PGCKA1: variants seen among roughly 807,000 people sequenced by gnomAD.
PGCKA1 encodes PDCD10 and GCKIII kinases associated 1.
the PGCKA1 span, among the ~76,000 whole-genome samples, chr4:37,531,001 GA>G: frequency 7.3e-5 from 11 of 149,992 alleles, no homozygotes; most frequent in South Asian, 2.1e-4. Flanking sequence ...AAAGAAAAGG[GA>G]AAAAAAAACT....
At chr4:37,588,602 G>A in the PGCKA1 span, 1 of 453,858 alleles carries the variant, frequency 2.2e-6, no homozygotes, top group African/African-American at 2.0e-5. Context: ...ATAACCCCAG[G>A]GTTGGGAGAA....
the PGCKA1 span, among the ~76,000 whole-genome samples, chr4:37,501,158 G>A: frequency 2.6e-5 from 4 of 152,228 alleles, no homozygotes; most frequent in African/African-American, 9.6e-5. Flanking sequence ...CTGTCATCAT[G>A]ATGTCAGCCA....
chr4:37,564,817 C>G, the PGCKA1 span, among the ~76,000 whole-genome samples: 7 of 152,092 alleles, frequency 4.6e-5, no homozygotes, highest in African/African-American at 1.4e-4. Flanking sequence ...CGGTGTCTGA[C>G]ATTTTTCAGC....
the PGCKA1 span, chr4:37,588,381 T>G: frequency 1.3e-5 from 2 of 156,892 alleles, no homozygotes; most frequent in African/African-American, 4.8e-5. Flanking sequence ...GCCAGCTTAT[T>G]CCGGCATCCT....
chr4:37,482,262 G>A, the PGCKA1 span, among the ~76,000 whole-genome samples: 3 of 152,222 alleles, frequency 2.0e-5, no homozygotes, highest in African/African-American at 7.2e-5. Flanking sequence ...ACAGAAAAAT[G>A]TGGGAAAGTT....
At chr4:37,460,547 G>C in the PGCKA1 span, 2 of 453,438 alleles carry the variant, frequency 4.4e-6, no homozygotes, top group Non-Finnish European at 8.8e-6. Flanking sequence ...GTATGCTGTG[G>C]AATCTCATTG....
chr4:37,590,846 T>C, the PGCKA1 span: 32 of 1,614,226 alleles, frequency 2.0e-5, 1 homozygote, highest in South Asian at 3.5e-4. Context: ...GTTCATGCCA[T>C]GCCTGTGGTT....
the PGCKA1 span, among the ~76,000 whole-genome samples, chr4:37,549,516 G>A: frequency 4.6e-5 from 7 of 152,140 alleles, no homozygotes; most frequent in Non-Finnish European, 7.4e-5. Flanking sequence ...TAACTCTTAG[G>A]CAAAACCTAA....
chr4:37,551,576 G>A, the PGCKA1 span, among the ~76,000 whole-genome samples: 1 of 152,220 alleles, frequency 6.6e-6, no homozygotes, highest in African/African-American at 2.4e-5. Flanking sequence ...TGAAAGAGAG[G>A]TCTATAAGAA....
the PGCKA1 span, among the ~76,000 whole-genome samples, chr4:37,458,623 C>T: frequency 6.6e-6 from 1 of 152,176 alleles, no homozygotes; most frequent in South Asian, 2.1e-4. Flanking sequence ...GGGTTCATCA[C>T]ATGTTGGCTC....
the PGCKA1 span, among the ~76,000 whole-genome samples, chr4:37,593,372 C>T: frequency 6.6e-6 from 1 of 152,154 alleles, no homozygotes; most frequent in Non-Finnish European, 1.5e-5. Context: ...ATCAATGACC[C>T]GCATATGAAT....
At chr4:37,541,721 C>T in the PGCKA1 span, among the ~76,000 whole-genome samples, 1 of 152,248 alleles carries the variant, frequency 6.6e-6, no homozygotes, top group Middle Eastern at 3.4e-3. Flanking sequence ...GTAGTGGAGC[C>T]GATTCAAATT....
chr4:37,522,642 G>A, the PGCKA1 span, among the ~76,000 whole-genome samples: 1 of 151,926 alleles, frequency 6.6e-6, no homozygotes, highest in African/African-American at 2.4e-5. Context: ...CATAGTATCT[G>A]GGTATCACTA....
chr4:37,483,481 C>T, the PGCKA1 span, among the ~76,000 whole-genome samples: 1 of 152,132 alleles, frequency 6.6e-6, no homozygotes, highest in African/African-American at 2.4e-5. Flanking sequence ...TCTGGTGGTC[C>T]AGTGTCATGA....
the PGCKA1 span, among the ~76,000 whole-genome samples, chr4:37,482,352 G>A: frequency 6.6e-6 from 1 of 152,164 alleles, no homozygotes; most frequent in Non-Finnish European, 1.5e-5. Flanking sequence ...AGGCCGAGGT[G>A]GTTTCCAATG....
the PGCKA1 span, among the ~76,000 whole-genome samples, chr4:37,545,147 C>T: frequency 0.024 from 3,714 of 152,220 alleles, 174 homozygotes; most frequent in African/African-American, 0.084. Context: ...TGAGCCACCG[C>T]GCCTGGCCAG....
At chr4:37,561,622 T>C in the PGCKA1 span, among the ~76,000 whole-genome samples, 2 of 152,260 alleles carry the variant, frequency 1.3e-5, no homozygotes, top group East Asian at 3.9e-4. Flanking sequence ...TCTATTATTG[T>C]ATAAGTTTCT....
At chr4:37,585,871 TG>T in the PGCKA1 span, among the ~76,000 whole-genome samples, 5 of 152,096 alleles carry the variant, frequency 3.3e-5, no homozygotes, top group Admixed American at 3.3e-4. Context: ...TTGTTGTACT[TG>T]GGGTTTTCTA....
chr4:37,585,140 G>A, the PGCKA1 span, among the ~76,000 whole-genome samples: 1 of 110,332 alleles, frequency 9.1e-6, no homozygotes, highest in South Asian at 3.3e-4. Flanking sequence ...GCGAATTGTG[G>A]AGGGGGAGGG....
Sources: allele counts gnomAD v4.1 joint callset (sites outside exome capture counted in the v4.1 genomes callset), GRCh38; gene constraint gnomAD v4.1.1; transcripts MANE v1.5; gene names NCBI Gene and HGNC (gene_info 2026-07-23, HGNC 2026-07-21).